Variants in SS18L1 observed in about 807,000 individuals in gnomAD.
The protein encoded by SS18L1 is SS18L1 subunit of BAF chromatin remodeling complex, also known as calcium-responsive transactivator.
SS18L1 carries 32 observed loss-of-function variants against 70.3 expected under a neutral mutation model. That is an observed-to-expected ratio of 0.46 (90% CI 0.34 to 0.61). The LOEUF (loss-of-function observed/expected upper bound fraction) is 0.61. Ranked by LOEUF, SS18L1 falls within the 20% of genes least tolerant of loss-of-function variation. The pLI is 0.01. For synonymous variants in SS18L1, 237 were observed against 229.7 expected, an observed-to-expected ratio of 1.03 and a Z score of -0.29; for missense variants, 430 against 542.1, an observed-to-expected ratio of 0.79 and a Z score of 2.05.
In SS18L1 at chr20:62,159,542, G is replaced by A. The variant is rs1389114508; in HGVS notation, c.147-335G>A. The stretch of plus-strand genomic sequence containing the variant: ...AGGGCTCTGTCCCTCTGTCACCTTC[G>A]GGCCCCTGCCTCCTCGTGGCCTCCC... On this transcript the variant is annotated intron_variant, in intron 2 of 10. Coordinates refer to ENST00000331758, the MANE Select transcript of SS18L1 (RefSeq NM_198935.3). The surrounding 1 kb of genome is among the most constrained non-coding windows in gnomAD (Gnocchi z 4.4). Among the ~76,000 whole-genome samples the A allele has an allele frequency of 2.0e-5, 3 of 152,052 alleles. No homozygotes were observed. Among genetic ancestry groups the A allele is most frequent in the South Asian group, 2.1e-4 (1 of 4,822 alleles).
At position 62,181,554 on chromosome 20, in the gene SS18L1, A is replaced by T. The variant is rs2057709455; in HGVS notation, c.*2346A>T. The T allele has an allele frequency of 4.7e-6, 1 of 213,218 alleles. No individual in the cohort carries two copies. The highest frequency in any genetic ancestry group is 9.5e-6 in the Non-Finnish European group (1 of 105,746). The allele number at this position is 213,218 out of a possible 1,614,324, so 13.2% of individuals were successfully genotyped here. On this transcript the variant is annotated 3_prime_UTR_variant, in exon 11 of 11. Coordinates refer to ENST00000331758, the MANE Select transcript of SS18L1 (RefSeq NM_198935.3). The stretch of plus-strand genomic sequence containing the variant: ...ACACTTACCCCAAAACTTCAATCTG[A>T]AATGTCTTACATTAAGAATATCTTG...
Position 62,165,457 on chromosome 20 carries a change from A to G in SS18L1, c.859A>G (p.Thr287Ala). ...TTACGCCTACCAGCAGTCATCCTAC[A>G]CGGAGCAGAGCTACGACCGGTCCTT... ...GDYAYQQSSY[T>A]EQSYDRSFEE... The change falls in exon 8 of 11, where the codon ACG becomes GCG. Residue 287 changes from threonine (T) to alanine (A), a missense_variant. Coordinates refer to ENST00000331758, the MANE Select transcript of SS18L1 (RefSeq NM_198935.3). 1.2e-6 allele frequency: 2 copies of G among 1,613,206 alleles called. No individual in the cohort carries two copies. Among genetic ancestry groups the G allele is most frequent in the South Asian group, 1.1e-5 (1 of 91,024 alleles).
In SS18L1 at chr20:62,161,668, A is replaced by T; in HGVS notation, c.376+88A>T. 1 of 1,512,128 alleles carries T rather than the reference A, an allele frequency of 6.6e-7. No homozygotes were observed. The highest frequency in any genetic ancestry group is 2.4e-4 in the Middle Eastern group (1 of 4,254). The allele number at this position is 1,512,128 out of a possible 1,614,324, so 93.7% of individuals were successfully genotyped here. On this transcript the variant is annotated intron_variant, in intron 4 of 10. Transcript: ENST00000331758. The surrounding 1 kb of genome is among the most constrained non-coding windows in gnomAD (Gnocchi z 4.4). ...GCCGGCTGCCATGGTGGGGCACCCC[A>T]CCCCTCACAGGGCTGGGCATGGGAC...
intron 10 of SS18L1, among the ~76,000 whole-genome samples, chr20:62,177,205 G>C (rs1275057017): frequency 6.6e-6 from 1 of 152,126 alleles, no homozygotes; most frequent in African/African-American, 2.4e-5. Flanking sequence ...GGAGCAGATA[G>C]AGACGGAGGT....
chr20:62,158,689 C>T lies in SS18L1; in HGVS notation c.87C>T (p.His29=). 1 of 1,612,732 alleles carries T rather than the reference C, an allele frequency of 6.2e-7. No individual in the cohort carries two copies. Among genetic ancestry groups the T allele is most frequent in the Non-Finnish European group, 8.5e-7 (1 of 1,180,024 alleles). The change falls in exon 2 of 11, where the codon CAC becomes CAT. Residue 29 remains histidine (H), a synonymous_variant. Transcript: ENST00000331758. This position sits in a 1 kb window ranked among gnomAD's most constrained non-coding sequence, Gnocchi z 4.5. ...QTIQKMLDEN[H]HLIQCILEYQ... is the part of the protein sequence containing the mutation. Reference sequence around the variant, plus strand: ...CTCCGCAGATGCTGGACGAGAACCACCACCTGATCCAGTGCATCCTGGAGT... The same window carrying T: ...CTCCGCAGATGCTGGACGAGAACCATCACCTGATCCAGTGCATCCTGGAGT...
At chr20:62,157,851 G>A (rs111353673) in intron 1 of SS18L1, among the ~76,000 whole-genome samples, 3,063 of 152,056 alleles carry the variant, frequency 0.02, 46 homozygotes, top group Non-Finnish European at 0.031. Context: ...GCAGTCTCAC[G>A]CATCTTTTCT....
At position 62,162,924 on chromosome 20, in the gene SS18L1, C is replaced by T; in HGVS notation, c.549C>T (p.Ser183=). 6.2e-7 allele frequency: 1 copy of T among 1,611,796 alleles called. No individual in the cohort carries two copies. Among genetic ancestry groups the T allele is most frequent in the Non-Finnish European group, 8.5e-7 (1 of 1,179,744 alleles). The change falls in exon 5 of 11, where the codon TCC becomes TCT. Residue 183 remains serine, a synonymous_variant. Coordinates refer to ENST00000331758, the MANE Select transcript of SS18L1 (RefSeq NM_198935.3). ...CTCGGACCAACATCAACATGCAGTCCAACCCAGGTACCTACTCTGCCTCTG... is the reference window on the plus strand; with the variant it reads ...CTCGGACCAACATCAACATGCAGTCTAACCCAGGTACCTACTCTGCCTCTG... ...YVSRTNINMQ[S]NPVSMMQQQA...
At position 62,159,221 on chromosome 20, in the gene SS18L1, G is replaced by T. The variant is rs1000160033; in HGVS notation, c.146+473G>T. Among the ~76,000 whole-genome samples, 4 of 152,222 alleles carry T rather than the reference G, an allele frequency of 2.6e-5. No individual in the cohort carries two copies. Among genetic ancestry groups the T allele is most frequent in the Non-Finnish European group, 5.9e-5 (4 of 68,044 alleles). ...CACCAGGAGACAGCACCTACTCCAG[G>T]TGGGACCTCCTGTGACCCTGTGAAC... On this transcript the variant is annotated intron_variant, in intron 2 of 10. Transcript: ENST00000331758. This position sits in a 1 kb window ranked among gnomAD's most constrained non-coding sequence, Gnocchi z 4.4.
rs770164629 is a variant in SS18L1 at position 62,172,670 on chromosome 20, T to G, written c.917-12T>G. 6 of 1,614,104 alleles carry G rather than the reference T, an allele frequency of 3.7e-6. No individual in the cohort carries two copies. The South Asian group carries it at 5.5e-5, about 15-fold the overall frequency. ...TGGGGAAAGTCATTTCTGTGTCTCC[T>G]CCTCCCTCCAGGAAACTCCCAGTAC... On this transcript the variant is annotated splice_polypyrimidine_tract_variant and intron_variant, in intron 8 of 10. Transcript: ENST00000331758.
At position 62,174,356 on chromosome 20, in the gene SS18L1, G is replaced by A. The variant is rs2057583276; in HGVS notation, c.1037-161G>A. 6.6e-6 allele frequency among the ~76,000 whole-genome samples: 1 copy of A among 152,008 alleles called. No individual in the cohort carries two copies. On this transcript the variant is annotated intron_variant, in intron 9 of 10. Coordinates refer to ENST00000331758, the MANE Select transcript of SS18L1 (RefSeq NM_198935.3). This position sits in a 1 kb window ranked among gnomAD's most constrained non-coding sequence, Gnocchi z 4.1. ...CTGTACAGAGTTAACGTGGAGCCACGTGCAGGTGCCAGGTGTTCTGGAGAT... is the reference window on the plus strand; with the variant it reads ...CTGTACAGAGTTAACGTGGAGCCACATGCAGGTGCCAGGTGTTCTGGAGAT...
At chr20:62,154,593 C>T in intron 1 of SS18L1, 5 of 971,262 alleles carry the variant, frequency 5.1e-6, no homozygotes, top group Non-Finnish European at 6.2e-6. Flanking sequence ...CTCCGGAAGT[C>T]TCCGTGAGGT....
chr20:62,166,091 C>T (rs2057425137), intron 8 of SS18L1, among the ~76,000 whole-genome samples: 1 of 152,260 alleles, frequency 6.6e-6, no homozygotes, highest in Admixed American at 6.5e-5. Context: ...TGCCCCCACC[C>T]TGGCTGCCCT....
In SS18L1 at chr20:62,174,258, G is replaced by A. The variant is rs1004112969; in HGVS notation, c.1037-259G>A. Reference sequence around the variant, plus strand: ...GCCCATCAGCCCTCGCCATGCTGGTGGGGGGCCTGGGGCACAGTCCTGGGA... The same window carrying A: ...GCCCATCAGCCCTCGCCATGCTGGTAGGGGGCCTGGGGCACAGTCCTGGGA... On this transcript the variant is annotated intron_variant, in intron 9 of 10. Transcript: ENST00000331758. This position sits in a 1 kb window ranked among gnomAD's most constrained non-coding sequence, Gnocchi z 4.1. 6.6e-6 allele frequency among the ~76,000 whole-genome samples: 1 copy of A among 151,990 alleles called. No homozygotes were observed. The highest frequency in any genetic ancestry group is 1.5e-5 in the Non-Finnish European group (1 of 68,006).
chr20:62,145,272 C>T (rs182679292), intron 1 of SS18L1, among the ~76,000 whole-genome samples: 157 of 152,118 alleles, frequency 1.0e-3, no homozygotes, highest in Admixed American at 1.5e-3. Context: ...AAAGAGGCTG[C>T]GGCCTAGGGA....
chr20:62,158,767 C>T lies in SS18L1; in HGVS notation c.146+19C>T, dbSNP rs776375995. On this transcript the variant is annotated intron_variant, in intron 2 of 10. Transcript: ENST00000331758. The surrounding 1 kb of genome is among the most constrained non-coding windows in gnomAD (Gnocchi z 4.5). ...GCACGCAGTGAGTGCCCGCCATACA[C>T]CGGAACACTTGGAGGGTGTCATGCA... is the stretch of plus-strand genomic sequence containing the variant. 5.0e-6 allele frequency: 8 copies of T among 1,612,892 alleles called. No individual in the cohort carries two copies. Among genetic ancestry groups the T allele is most frequent in the African/African-American group, 1.3e-5 (1 of 74,948 alleles).
rs936088656 is a variant in SS18L1 at position 62,165,532 on chromosome 20, G to A, written c.916+18G>A. ...TGAGGGGGGTAAGGAGCACGGCTGC[G>A]TGCTGGGCTCGAGCGTAAGCGCCAC... On this transcript the variant is annotated intron_variant, in intron 8 of 10. Coordinates refer to ENST00000331758, the MANE Select transcript of SS18L1 (RefSeq NM_198935.3). 1.9e-5 allele frequency: 25 copies of A among 1,286,016 alleles called. No homozygotes were observed. Among genetic ancestry groups the A allele is most frequent in the Admixed American group, 1.4e-4 (7 of 50,172 alleles). The allele number at this position is 1,286,016 out of a possible 1,614,324, so 79.7% of individuals were successfully genotyped here.
intron 1 of SS18L1, among the ~76,000 whole-genome samples, chr20:62,155,436 T>C (rs1313761268): frequency 6.6e-6 from 1 of 152,128 alleles, no homozygotes; most frequent in Non-Finnish European, 1.5e-5. Flanking sequence ...ATAGAAAAAG[T>C]CTCCGTCTTG....
chr20:62,164,159 T>G lies in SS18L1; in HGVS notation c.736T>G (p.Tyr246Asp). 1 of 1,549,872 alleles carries G rather than the reference T, an allele frequency of 6.5e-7. No homozygotes were observed. The highest frequency in any genetic ancestry group is 8.7e-7 in the Non-Finnish European group (1 of 1,146,510). The change falls in exon 7 of 11, where the codon TAC becomes GAC. Residue 246 changes from tyrosine to aspartate, a missense_variant. Physicochemically the swap from Tyr to Asp is radical, Grantham distance 160 (BLOSUM62 -3). Transcript: ENST00000331758. ...RPSQQGSSQQ[Y>D]LGQEEYYGEQ... ...TTCCCCCGCAGGCTCTTCCCAGCAG[T>G]ACCTGGGCCAGGAGGAGTACTATGG...
intron 1 of SS18L1, among the ~76,000 whole-genome samples, chr20:62,151,939 C>A (rs1459933688): frequency 8.8e-5 from 12 of 136,018 alleles, no homozygotes; most frequent in South Asian, 2.3e-4. Flanking sequence ...TCTTTTCCCT[C>A]TCCCCAGAGC....
Sources: allele counts gnomAD v4.1 joint callset (sites outside exome capture counted in the v4.1 genomes callset), GRCh38; gene constraint gnomAD v4.1.1; non-coding constraint Gnocchi (gnomAD v3.1); transcripts MANE v1.5; gene names NCBI Gene and HGNC (gene_info 2026-07-23, HGNC 2026-07-21).